The following RAB10 variants were observed in gnomAD, a reference collection of about 807,000 sequenced individuals.
RAB10 encodes ras-related protein Rab-10.
Under a neutral mutation model 25.7 loss-of-function variants are expected in RAB10, and 5 were observed. The ratio of observed to expected loss-of-function variants is 0.19; its 90% CI spans 0.10 to 0.41. The LOEUF is 0.41. Ranked by LOEUF, RAB10 falls within the 10% of genes least tolerant of loss-of-function variation. The pLI, the probability that RAB10 is intolerant of heterozygous loss-of-function variation, is 1.00. For missense variants in RAB10, 103 were observed against 245.8 expected (o/e 0.42, Z 3.89); for synonymous variants, 89 against 86.4 (o/e 1.03, Z -0.16).
At chr2:26,078,731 C>G (rs1410053372) in intron 1 of RAB10, among the ~76,000 whole-genome samples, 1 of 152,046 alleles carries the variant, frequency 6.6e-6, no homozygotes, top group African/African-American at 2.4e-5. Context: ...CACATTGAGG[C>G]ACATCCTAGT....
chr2:26,080,536 A>G (rs1344094448), intron 1 of RAB10, among the ~76,000 whole-genome samples: 1 of 152,104 alleles, frequency 6.6e-6, no homozygotes, highest in African/African-American at 2.4e-5. Flanking sequence ...ATACCTAACC[A>G]TTATTCATCA....
chr2:26,135,202 C>A lies in RAB10; in HGVS notation c.*181C>A. The A allele has an allele frequency of 5.9e-6, 3 of 505,966 alleles. No individual in the cohort carries two copies. The highest frequency in any genetic ancestry group is 6.9e-5 in the South Asian group (2 of 28,818). 31.3% of individuals were successfully genotyped at this position (505,966 alleles called of 1,614,324 possible). A position where few individuals can be genotyped will look rare whatever the true frequency, so the allele number is the denominator to read the frequency against. On this transcript the variant is annotated 3_prime_UTR_variant, in exon 6 of 6. Transcript: ENST00000264710. ...TGCTTGCTGACTTTATCATAATTTT[C>A]TTCAAACAAAAAAATGTATAGAAAA...
At chr2:26,125,689 A>G (rs796795824) in intron 3 of RAB10, among the ~76,000 whole-genome samples, 7 of 151,514 alleles carry the variant, frequency 4.6e-5, no homozygotes, top group Admixed American at 3.3e-4. Flanking sequence ...GGCTCAGGCA[A>G]TTTTCCTGAC....
At chr2:26,089,321 G>T (rs749415650) in intron 1 of RAB10, among the ~76,000 whole-genome samples, 7 of 151,854 alleles carry the variant, frequency 4.6e-5, no homozygotes, top group Non-Finnish European at 8.8e-5. Flanking sequence ...TACTCAGGAG[G>T]CTGAGGCAGG....
chr2:26,042,177 A>G (rs1665904966), intron 1 of RAB10, among the ~76,000 whole-genome samples: 1 of 152,166 alleles, frequency 6.6e-6, no homozygotes, highest in African/African-American at 2.4e-5. Context: ...ATTTTTTAAC[A>G]GGGAATATTT....
intron 1 of RAB10, among the ~76,000 whole-genome samples, chr2:26,043,619 A>G (rs1013947645): frequency 6.6e-6 from 1 of 152,258 alleles, no homozygotes; most frequent in Non-Finnish European, 1.5e-5. Context: ...ATGCTACCAC[A>G]TGGATACGCC....
chr2:26,046,111 G>T (rs1243575913), intron 1 of RAB10, among the ~76,000 whole-genome samples: 3 of 152,180 alleles, frequency 2.0e-5, no homozygotes, highest in African/African-American at 7.2e-5. Flanking sequence ...GATCACCTGA[G>T]GTCGGGAGTT....
intron 1 of RAB10, among the ~76,000 whole-genome samples, chr2:26,048,344 A>G (rs1363744597): frequency 6.6e-6 from 1 of 152,138 alleles, no homozygotes; most frequent in African/African-American, 2.4e-5. Flanking sequence ...GTATGAGTGC[A>G]CTTTCTCTGC....
intron 1 of RAB10, among the ~76,000 whole-genome samples, chr2:26,047,077 C>T (rs932418427): frequency 6.6e-6 from 1 of 152,068 alleles, no homozygotes; most frequent in Non-Finnish European, 1.5e-5. Context: ...TAAAATTCCC[C>T]AGTTTTATTT....
At chr2:26,108,533 T>C (rs955961639) in intron 2 of RAB10, among the ~76,000 whole-genome samples, 1 of 152,180 alleles carries the variant, frequency 6.6e-6, no homozygotes, top group Non-Finnish European at 1.5e-5. Context: ...AATAGTTCTT[T>C]GTCTTGTGGT....
Position 26,034,112 on chromosome 2 carries a change from G to A in RAB10, c.-497G>A, listed in dbSNP as rs576469740. 2.5e-5 allele frequency: 10 copies of A among 403,664 alleles called. No homozygotes were observed. The East Asian group carries it at 3.5e-4, about 14-fold the overall frequency. The allele number at this position is 403,664 out of a possible 1,614,324, so 25.0% of individuals were successfully genotyped here. A position where few individuals can be genotyped will look rare whatever the true frequency, so the allele number is the denominator to read the frequency against. On this transcript the variant is annotated 5_prime_UTR_variant, in exon 1 of 6. Coordinates refer to ENST00000264710, the MANE Select transcript of RAB10 (RefSeq NM_016131.5). ...TCAGGCAGCGCGCACGCCGGCGTGA[G>A]AGGGCACGGGGAAAAGGTGGCTCTG...
Position 26,136,005 on chromosome 2 carries a change from T to C in RAB10, c.*984T>C, listed in dbSNP as rs1668105818. The C allele has an allele frequency of 2.0e-5, 3 of 152,726 alleles. No homozygotes were observed. The allele number at this position is 152,726 out of a possible 1,614,324, so 9.5% of individuals were successfully genotyped here. On this transcript the variant is annotated 3_prime_UTR_variant, in exon 6 of 6. Coordinates refer to ENST00000264710, the MANE Select transcript of RAB10 (RefSeq NM_016131.5). ...TCTCTTCCCTAAAATGTGTCCCAGA[T>C]GCCTTCATTTGCTGTTTTACTTCTA...
intron 1 of RAB10, among the ~76,000 whole-genome samples, chr2:26,091,463 A>G (rs1278624927): frequency 6.6e-6 from 1 of 152,172 alleles, no homozygotes; most frequent in Non-Finnish European, 1.5e-5. Context: ...ATAGAGCAAC[A>G]AAAAGGAAGT....
chr2:26,117,102 T>C (rs1667706151), intron 3 of RAB10, among the ~76,000 whole-genome samples: 1 of 152,244 alleles, frequency 6.6e-6, no homozygotes, highest in Non-Finnish European at 1.5e-5. Flanking sequence ...ACTTGGCATA[T>C]GACATTCTGT....
At chr2:26,122,665 T>C (rs529278489) in intron 3 of RAB10, among the ~76,000 whole-genome samples, 2 of 150,876 alleles carry the variant, frequency 1.3e-5, no homozygotes, top group African/African-American at 4.9e-5. Flanking sequence ...TTGTAGACTA[T>C]GATATTCAAG....
chr2:26,112,621 G>A (rs537483399), intron 3 of RAB10, among the ~76,000 whole-genome samples: 2 of 152,222 alleles, frequency 1.3e-5, no homozygotes, highest in East Asian at 1.9e-4. Context: ...GAAAATTGTG[G>A]GTGTGGTGGT....
At chr2:26,114,163 T>A (rs990058135) in intron 3 of RAB10, among the ~76,000 whole-genome samples, 1 of 152,194 alleles carries the variant, frequency 6.6e-6, no homozygotes, top group Non-Finnish European at 1.5e-5. Context: ...CAAAGTGATC[T>A]ACAGATTTAG....
chr2:26,056,554 G>T (rs1380542545), intron 1 of RAB10, among the ~76,000 whole-genome samples: 1 of 152,104 alleles, frequency 6.6e-6, no homozygotes, highest in African/African-American at 2.4e-5. Context: ...CATTTATCTA[G>T]AAATTAGTCT....
chr2:26,060,412 C>T (rs1666370082), intron 1 of RAB10, among the ~76,000 whole-genome samples: 1 of 152,154 alleles, frequency 6.6e-6, no homozygotes, highest in African/African-American at 2.4e-5. Context: ...CCTGCCTCAG[C>T]CTCCCGAGTA....
Sources: allele counts gnomAD v4.1 joint callset (sites outside exome capture counted in the v4.1 genomes callset), GRCh38; gene constraint gnomAD v4.1.1; transcripts MANE v1.5; gene names NCBI Gene and HGNC (gene_info 2026-07-23, HGNC 2026-07-21).